The following ACTR3C variants were observed in gnomAD, a reference collection of about 807,000 sequenced individuals.
ACTR3C encodes actin related protein 3C.
Under a neutral mutation model 26.3 loss-of-function variants are expected in ACTR3C, and 18 were observed. The observed-to-expected ratio is 0.68, with a 90% CI of 0.47 to 1.01. The LOEUF (loss-of-function observed/expected upper bound fraction) is 1.01. Ranked by LOEUF, ACTR3C falls within the 50% of genes least tolerant of loss-of-function variation. The pLI is 0.00. For missense variants in ACTR3C, 184 were observed against 250.7 expected (o/e 0.73, Z 1.80); for synonymous variants, 55 against 94.5 (o/e 0.58, Z 2.42).
the ACTR3C span, among the ~76,000 whole-genome samples, chr7:150,118,077 G>A: frequency 2.2e-4 from 33 of 152,268 alleles, no homozygotes; most frequent in African/African-American, 7.2e-4. Flanking sequence ...AACCCCATCC[G>A]AAGGTCACCA....
chr7:150,080,572 T>TC, the ACTR3C span, among the ~76,000 whole-genome samples: 1 of 145,362 alleles, frequency 6.9e-6, no homozygotes, highest in East Asian at 2.0e-4. Context: ...TGTGTGAAAT[T>TC]TGGAAAGTTT....
the ACTR3C span, among the ~76,000 whole-genome samples, chr7:150,136,075 C>T: frequency 2.6e-5 from 4 of 152,088 alleles, no homozygotes; most frequent in African/African-American, 9.7e-5. Flanking sequence ...TATGTGAGGA[C>T]ACTGAGACCT....
At chr7:150,200,432 A>ATT in the ACTR3C span, among the ~76,000 whole-genome samples, 1,502 of 151,972 alleles carry the variant, frequency 9.9e-3, 18 homozygotes, top group African/African-American at 0.035. Flanking sequence ...TTTAAAAATC[A>ATT]TTTTTTTTCA....
the ACTR3C span, among the ~76,000 whole-genome samples, chr7:150,017,161 T>A: frequency 6.6e-6 from 1 of 151,968 alleles, no homozygotes; most frequent in Admixed American, 6.6e-5. Context: ...CTTCCCACTG[T>A]GGGTCCTCTT....
the ACTR3C span, among the ~76,000 whole-genome samples, chr7:150,073,460 G>A: frequency 1.3e-4 from 19 of 149,600 alleles, 1 homozygote; most frequent in South Asian, 3.1e-3. Context: ...TGAGCTAGCC[G>A]TGTGGGATGA....
the ACTR3C span, among the ~76,000 whole-genome samples, chr7:150,114,913 A>G: frequency 6.6e-6 from 1 of 151,984 alleles, no homozygotes; most frequent in African/African-American, 2.4e-5. Flanking sequence ...CCTGGCCCCA[A>G]ACTGTTGCCC....
chr7:150,083,991 G>C, the ACTR3C span, among the ~76,000 whole-genome samples: 6 of 152,254 alleles, frequency 3.9e-5, no homozygotes, highest in South Asian at 1.2e-3. Context: ...ATCCAAAATA[G>C]AGCAAATCAG....
chr7:150,166,825 C>G, the ACTR3C span, among the ~76,000 whole-genome samples: 3 of 150,724 alleles, frequency 2.0e-5, no homozygotes, highest in African/African-American at 7.5e-5. Context: ...CTTTCCCAGC[C>G]TCTGTAACCA....
chr7:150,181,543 T>C, the ACTR3C span, among the ~76,000 whole-genome samples: 1 of 150,094 alleles, frequency 6.7e-6, no homozygotes, highest in Admixed American at 6.6e-5. Flanking sequence ...ACAGTGACCT[T>C]AGGTGGCACC....
the ACTR3C span, among the ~76,000 whole-genome samples, chr7:149,949,990 A>ACAGGGAGGAAGTGCACCCACGGGAG: frequency 7.2e-6 from 1 of 139,334 alleles, no homozygotes; most frequent in Admixed American, 6.9e-5. Context: ...CACTCCCTGG[A>ACAGGGAGGAAGTGCACCCACGGGAG]CAGGGAGGAA....
chr7:150,235,251 G>A, the ACTR3C span, among the ~76,000 whole-genome samples: 1,146 of 152,148 alleles, frequency 7.5e-3, 11 homozygotes, highest in African/African-American at 0.026. Context: ...TCCATTTTTC[G>A]TCCTGGATAA....
the ACTR3C span, among the ~76,000 whole-genome samples, chr7:150,048,559 C>T: frequency 6.6e-6 from 1 of 151,908 alleles, no homozygotes; most frequent in East Asian, 1.9e-4. Flanking sequence ...CCCCGCAGCA[C>T]GCGAGCGGAC....
At chr7:150,003,130 TTGTGTGTGTG>T in the ACTR3C span, 1 of 149,814 alleles carries the variant, frequency 6.7e-6, no homozygotes, top group African/African-American at 2.5e-5. Context: ...CAACAGAAGT[TTGTGTGTGTG>T]TGTGTTTGTG....
chr7:150,034,829 CCTCTGCGATGG>C, the ACTR3C span, among the ~76,000 whole-genome samples: 3 of 144,928 alleles, frequency 2.1e-5, no homozygotes, highest in Non-Finnish European at 3.0e-5. Context: ...GTGCCTCCCC[CCTCTGCGATGG>C]GTGTCCTAAG....
the ACTR3C span, among the ~76,000 whole-genome samples, chr7:150,075,680 A>G: frequency 6.6e-6 from 1 of 152,196 alleles, no homozygotes; most frequent in Non-Finnish European, 1.5e-5. Context: ...AGAATATAAG[A>G]CATGCAAGGT....
the ACTR3C span, among the ~76,000 whole-genome samples, chr7:150,228,392 CT>C: frequency 1.3e-5 from 2 of 152,110 alleles, no homozygotes; most frequent in Non-Finnish European, 2.9e-5. Context: ...CATACTAATC[CT>C]TGGAATCCAT....
chr7:150,091,850 TG>T, the ACTR3C span, among the ~76,000 whole-genome samples: 1 of 147,040 alleles, frequency 6.8e-6, no homozygotes, highest in Admixed American at 6.7e-5. Flanking sequence ...TAGCCGGGCG[TG>T]GTGGCGGGCG....
the ACTR3C span, among the ~76,000 whole-genome samples, chr7:150,039,586 G>C: frequency 7.5e-6 from 1 of 134,090 alleles, no homozygotes; most frequent in Non-Finnish European, 1.6e-5. Flanking sequence ...GTAATCCCAC[G>C]TAAGGTACCT....
chr7:150,035,777 G>A, the ACTR3C span, among the ~76,000 whole-genome samples: 1 of 138,848 alleles, frequency 7.2e-6, no homozygotes, highest in Non-Finnish European at 1.6e-5. Flanking sequence ...TCTGCGATGG[G>A]GTTCCTAAGA....
Sources: gnomAD v4.1 joint callset for allele counts (sites outside exome capture counted in the v4.1 genomes callset) on GRCh38, gnomAD v4.1.1 for gene constraint, MANE v1.5 for transcripts, NCBI Gene and HGNC (gene_info 2026-07-23, HGNC 2026-07-21) for gene names.